Variants in LAMA5 observed in about 807,000 individuals in gnomAD.
The protein encoded by LAMA5 is laminin subunit alpha 5.
LAMA5 carries 260 observed loss-of-function variants against 433.4 expected under a neutral mutation model. The observed-to-expected ratio is 0.60, with a 90% CI of 0.54 to 0.66. LAMA5 has a LOEUF of 0.66. LAMA5 is among the 30% of genes least tolerant of loss of function. The pLI, the probability that LAMA5 is intolerant of heterozygous loss-of-function variation, is 0.00. For synonymous variants in LAMA5, 2,620 were observed against 2,226.6 expected, an observed-to-expected ratio of 1.18 and a Z score of -4.97; for missense variants, 5,378 against 5,258.5, an observed-to-expected ratio of 1.02 and a Z score of -0.70.
At chr20:62,357,934 TG>T (rs2097161753) in intron 2 of LAMA5, among the ~76,000 whole-genome samples, 1 of 152,206 alleles carries the variant, frequency 6.6e-6, no homozygotes, top group Non-Finnish European at 1.5e-5. Context: ...TCAGGCCAGA[TG>T]GTCAGCCGGG....
chr20:62,310,341 AG>A (rs746325128), intron 76 of LAMA5, 30 bp from the exon 77 acceptor site: 61 of 1,577,470 alleles, frequency 3.9e-5, no homozygotes, highest in Middle Eastern at 3.4e-4. Flanking sequence ...TGGAGAAGAA[AG>A]GGGGGGCCCC....
In LAMA5 at chr20:62,324,386, C is replaced by A; in HGVS notation, c.5643+55G>T. The A allele has an allele frequency of 6.8e-7, 1 of 1,471,720 alleles. No individual in the cohort carries two copies. Among genetic ancestry groups the A allele is most frequent in the Non-Finnish European group, 9.4e-7 (1 of 1,063,936 alleles). The allele number at this position is 1,471,720 out of a possible 1,614,324, so 91.2% of individuals were successfully genotyped here. A position where few individuals can be genotyped will look rare whatever the true frequency, so the allele number is the denominator to read the frequency against. Reference sequence around the variant, plus strand: ...GCAGCCCCTGGTCTTCCCTGGCACACTTGACTGTGCCTTCAGTGAATGCTG... The same window carrying A: ...GCAGCCCCTGGTCTTCCCTGGCACAATTGACTGTGCCTTCAGTGAATGCTG... On this transcript the variant is annotated intron_variant, in intron 42 of 79. Coordinates refer to ENST00000252999, the MANE Select transcript of LAMA5 (RefSeq NM_005560.6). This position sits in a 1 kb window ranked among gnomAD's most constrained non-coding sequence, Gnocchi z 4.4.
At chr20:62,321,336 C>T (rs1367134494) in intron 48 of LAMA5, among the ~76,000 whole-genome samples, 1 of 44,050 alleles carries the variant, frequency 2.3e-5, no homozygotes. Context: ...GGAGGAGGTG[C>T]AGCCAGTGGA....
At chr20:62,318,318 G>GGGGGGAGGAAGAGGAGGC (rs1555873185) in intron 53 of LAMA5, 136 bp downstream of exon 53, 1 of 283,388 alleles carries the variant, frequency 3.5e-6, no homozygotes, top group East Asian at 4.5e-5. Context: ...AAGAGGAGGA[G>GGGGGGAGGAAGAGGAGGC]GGGGGGAGGA....
rs554486631 is a variant in LAMA5 at position 62,328,052 on chromosome 20, A to T, written c.4653-42T>A. 1.1e-5 allele frequency: 18 copies of T among 1,608,370 alleles called. No homozygotes were observed. In the East Asian group the frequency reaches 3.8e-4, roughly 34 times the overall value. On this transcript the variant is annotated intron_variant, in intron 35 of 79. Transcript: ENST00000252999. ...AGCTGAGCCCCCTCCACCCCAGGTC[A>T]CTCACACCAAAGTGAGACCTCGTAG...
chr20:62,362,827 G>A (rs985419007), intron 1 of LAMA5, among the ~76,000 whole-genome samples: 6 of 151,698 alleles, frequency 4.0e-5, no homozygotes, highest in East Asian at 1.9e-4. Context: ...GGAAAATCTC[G>A]GTGGGCCTCT....
chr20:62,365,454 A>C (rs1441255927), intron 1 of LAMA5, among the ~76,000 whole-genome samples: 1 of 152,212 alleles, frequency 6.6e-6, no homozygotes, highest in East Asian at 1.9e-4. Flanking sequence ...CAGAGGAGAC[A>C]GATCTGAGAG....
In LAMA5 at chr20:62,320,619, C is replaced by T. The variant is rs1162771614; in HGVS notation, c.6699G>A (p.Leu2233=). 1.2e-6 allele frequency: 2 copies of T among 1,609,276 alleles called. No homozygotes were observed. The highest frequency in any genetic ancestry group is 1.1e-5 in the South Asian group (1 of 90,868). Residue 2233 remains leucine, a synonymous_variant, in exon 50 of 80, where the codon CTG becomes CTA. Transcript: ENST00000252999. ...LGPRHETAQQ[L]EVLEQQSTSL... ...TTGTGCTCTGCTGCTCCAGCACCTCCAGCTGCTGTGCCGTCTCATGGCGGG... is the reference window on the plus strand; with the variant it reads ...TTGTGCTCTGCTGCTCCAGCACCTCTAGCTGCTGTGCCGTCTCATGGCGGG...
Position 62,318,888 on chromosome 20 carries a change from C to G in LAMA5, c.6997G>C (p.Ala2333Pro), listed in dbSNP as rs749891237. 6 of 1,607,330 alleles carry G rather than the reference C, an allele frequency of 3.7e-6. No homozygotes were observed. The highest frequency in any genetic ancestry group is 5.1e-6 in the Non-Finnish European group (6 of 1,178,630). ...LWEMRARDLGAPQAAAEAELA... is the reference protein window; with the variant it reads ...LWEMRARDLGPPQAAAEAELA... ...TCAGCCTCAGCTGCTGCCTGCGGGG[C>G]CCCCAGGTCCCGGGCCCGCATCTCC... Residue 2333 changes from alanine (A) to proline (P), a missense_variant, in exon 52 of 80, where the codon GCC (alanine) becomes CCC (proline). Coordinates refer to ENST00000252999, the MANE Select transcript of LAMA5 (RefSeq NM_005560.6).
At position 62,319,686 on chromosome 20, in the gene LAMA5, C is replaced by T; in HGVS notation, c.6869G>A (p.Ser2290Asn). ...AGCCTGGCTGGGCTGGCCCCTACCG[C>T]TCAGGGTGCGGTCCACAGCCCGGAT... ...AAIRAVDRTL[S>N]ELMSQTGHLG... The change falls in exon 51 of 80, where the codon AGC becomes AAC. Residue 2290 changes from serine to asparagine, a missense_variant and splice_region_variant. By Grantham distance (46) the Ser-to-Asn change is conservative. Transcript: ENST00000252999. 5.2e-6 allele frequency: 8 copies of T among 1,540,044 alleles called. No individual in the cohort carries two copies. The highest frequency in any genetic ancestry group is 3.9e-5 in the Admixed American group (2 of 50,968).
rs78026347 is a variant in LAMA5 at position 62,351,710 on chromosome 20, G to A, written c.950C>T (p.Pro317Leu). 10,388 of 1,611,376 alleles carry A rather than the reference G, an allele frequency of 6.4e-3. 103 individuals are homozygous for A. Among genetic ancestry groups the A allele is most frequent in the African/African-American group, 0.042 (3,154 of 75,004 alleles). The change falls in exon 6 of 80, where the codon CCG (proline) becomes CTG (leucine). Residue 317 changes from proline to leucine, a missense_variant. By Grantham distance (98) the Pro-to-Leu change is moderately conservative (BLOSUM62 -3). Transcript: ENST00000252999. Reference protein sequence around the residue: ...DACDAKDPTDPFRLQCTCQHN... With the variant: ...DACDAKDPTDLFRLQCTCQHN... Reference sequence around the variant, plus strand: ...CACCTGAATGGGGCCTCACCTGAACGGGTCCGTGGGGTCTTTGGCATCGCA... The same window carrying A: ...CACCTGAATGGGGCCTCACCTGAACAGGTCCGTGGGGTCTTTGGCATCGCA...
chr20:62,353,017 C>T, intron 3 of LAMA5, 117 bp downstream of exon 3: 1 of 707,894 alleles, frequency 1.4e-6, no homozygotes, highest in South Asian at 1.9e-5. Context: ...ATGACCGCAG[C>T]AGCCGGGTGT....
At chr20:62,326,232 CAA>C (rs79555565) in intron 40 of LAMA5, among the ~76,000 whole-genome samples, 34 of 63,738 alleles carry the variant, frequency 5.3e-4, no homozygotes, top group African/African-American at 1.1e-3. Context: ...AACAAACAAA[CAA>C]AAAAAAAAAA....
Position 62,367,147 on chromosome 20 carries a change from C to T in LAMA5, c.99G>A (p.Ala33=). 7.9e-7 allele frequency: 1 copy of T among 1,267,500 alleles called. No homozygotes were observed. Among genetic ancestry groups the T allele is most frequent in the Non-Finnish European group, 9.9e-7 (1 of 1,009,604 alleles). 78.5% of individuals were successfully genotyped at this position (1,267,500 alleles called of 1,614,324 possible). ...CGCCGCCCGCCTCCTCCCGCGCCCG[C>T]GCCGCGCCCAGCAGCGCCAGCCCGA... ...LLVGLALLGA[A]RAREEAGGGF... is the part of the protein sequence containing the mutation. Residue 33 remains alanine, a synonymous_variant, in exon 1 of 80, where the codon GCG becomes GCA. Coordinates refer to ENST00000252999, the MANE Select transcript of LAMA5 (RefSeq NM_005560.6).
chr20:62,326,860 C>A lies in LAMA5; in HGVS notation c.5214+5G>T. 3.1e-6 allele frequency: 5 copies of A among 1,609,814 alleles called. No homozygotes were observed. The highest frequency in any genetic ancestry group is 4.2e-6 in the Non-Finnish European group (5 of 1,177,290). On this transcript the variant is annotated splice_donor_5th_base_variant and intron_variant, in intron 39 of 79. Transcript: ENST00000252999. ...CACCCTGCCACATCATCTCAGCTCC[C>A]TCACCTGCAGCACCACATCCGGCCT...
rs138002973 is a variant in LAMA5 at position 62,318,581 on chromosome 20, C to A, written c.7112G>T (p.Arg2371Leu). Residue 2371 changes from arginine (R) to leucine (L), a missense_variant, in exon 53 of 80, where the codon CGC (arginine) becomes CTC (leucine). Transcript: ENST00000252999. Reference sequence around the variant, plus strand: ...GGCCTCGTGCTGGGCCAGCCGGTCGCGGGTTTGTGTGGCCAGTGCCTGGTT... The same window carrying A: ...GGCCTCGTGCTGGGCCAGCCGGTCGAGGGTTTGTGTGGCCAGTGCCTGGTT... ...EENQALATQT[R>L]DRLAQHEAGL... 6.8e-6 allele frequency: 11 copies of A among 1,610,590 alleles called. No homozygotes were observed. The highest frequency in any genetic ancestry group is 4.0e-5 in the African/African-American group (3 of 74,742).
chr20:62,321,974 T>G, intron 48 of LAMA5, 45 bp downstream of exon 48: 2 of 1,574,178 alleles, frequency 1.3e-6, no homozygotes. Flanking sequence ...GGGACTTGGA[T>G]TCCTACTCCA....
In LAMA5 at chr20:62,325,114, C is replaced by T. The variant is rs1281509665; in HGVS notation, c.5529+202G>A. ...GGCAGGCGGATGAGGGGCAGGCAGG[C>T]GGACGAGGGGCAGGCAGACAGGCAG... On this transcript the variant is annotated intron_variant, in intron 41 of 79. Coordinates refer to ENST00000252999, the MANE Select transcript of LAMA5 (RefSeq NM_005560.6). The T allele has an allele frequency of 7.2e-5, 6 of 82,904 alleles. No individual in the cohort carries two copies. The African/African-American group carries it at 9.1e-4, about 13-fold the overall frequency. 5.1% of individuals were successfully genotyped at this position (82,904 alleles called of 1,614,324 possible). A position where few individuals can be genotyped will look rare whatever the true frequency, so the allele number is the denominator to read the frequency against.
chr20:62,313,056 T>A, intron 65 of LAMA5, 32 bp downstream of exon 65: 1 of 1,603,924 alleles, frequency 6.2e-7, no homozygotes, highest in Non-Finnish European at 8.5e-7. Context: ...TCAGTGCAAG[T>A]GGGGATGGCA....
Sources: allele counts gnomAD v4.1 joint callset (sites outside exome capture counted in the v4.1 genomes callset), GRCh38; gene constraint gnomAD v4.1.1; non-coding constraint Gnocchi (gnomAD v3.1); transcripts MANE v1.5; gene names NCBI Gene and HGNC (gene_info 2026-07-23, HGNC 2026-07-21).